Variants in ATRNL1 observed in about 807,000 individuals in gnomAD.
ATRNL1 encodes attractin-like protein 1.
In ATRNL1, 95 loss-of-function variants were observed where a neutral mutation model predicts 182.7. The observed-to-expected ratio is 0.52, with a 90% confidence interval of 0.44 to 0.62. ATRNL1 has a LOEUF of 0.62. Ranked by LOEUF, ATRNL1 falls within the 20% of genes least tolerant of loss-of-function variation. The probability of loss-of-function intolerance (pLI) is 0.00; values close to 1 mark genes in which losing one functional copy is unlikely to be tolerated. For missense variants in ATRNL1, 1,471 were observed against 1,679.5 expected (o/e 0.88, Z 2.17); for synonymous variants, 576 against 568.3 (o/e 1.01, Z -0.19).
At chr10:115,737,362 G>A (rs1947985999) in intron 27 of ATRNL1, among the ~76,000 whole-genome samples, 1 of 151,550 alleles carries the variant, frequency 6.6e-6, no homozygotes, top group Admixed American at 6.6e-5. Flanking sequence ...CATGAGCCCG[G>A]GAGTTCGAGG....
intron 13 of ATRNL1, among the ~76,000 whole-genome samples, chr10:115,270,992 CA>C (rs2133895484): frequency 6.6e-6 from 1 of 152,194 alleles, no homozygotes; most frequent in Non-Finnish European, 1.5e-5. Flanking sequence ...AACTGGAAAA[CA>C]CATCAATCTC....
At chr10:115,774,870 TTTG>T (rs1949083126) in intron 27 of ATRNL1, among the ~76,000 whole-genome samples, 1 of 151,918 alleles carries the variant, frequency 6.6e-6, no homozygotes. Context: ...GAAGTCATGG[TTTG>T]TTTTTTTTTT....
intron 26 of ATRNL1, among the ~76,000 whole-genome samples, chr10:115,645,121 CTCTGAAGCACACTTAAGGTTTTCATTG>C (rs1859521852): frequency 1.3e-5 from 2 of 151,956 alleles, no homozygotes; most frequent in African/African-American, 4.8e-5. Context: ...TTCGAAGAGA[CTCTGAAGCACACTTAAGGTTTTCATTG>C]TTTACTATGC....
At chr10:115,482,587 T>C (rs749694178) in intron 24 of ATRNL1, among the ~76,000 whole-genome samples, 3 of 151,126 alleles carry the variant, frequency 2.0e-5, no homozygotes, top group Non-Finnish European at 4.5e-5. Context: ...AATGAATTTC[T>C]TCATTAATAA....
chr10:115,315,482 C>A, intron 17 of ATRNL1, 36 bp from the exon 18 acceptor site: 2 of 1,399,924 alleles, frequency 1.4e-6, no homozygotes, highest in Non-Finnish European at 1.0e-6. Context: ...AATATATAGT[C>A]ATGTTAACAT....
At chr10:115,421,321 A>G (rs942549798) in intron 20 of ATRNL1, among the ~76,000 whole-genome samples, 2 of 152,200 alleles carry the variant, frequency 1.3e-5, no homozygotes, top group Non-Finnish European at 2.9e-5. Flanking sequence ...ACTGAATCCA[A>G]CAACATATTA....
At chr10:115,732,655 CT>C (rs1947833817) in intron 27 of ATRNL1, among the ~76,000 whole-genome samples, 1 of 152,082 alleles carries the variant, frequency 6.6e-6, no homozygotes, top group Admixed American at 6.6e-5. Flanking sequence ...CAGACCTATG[CT>C]GAAGATCACA....
chr10:115,933,629 A>G lies in ATRNL1; in HGVS notation c.4019-11029A>G, dbSNP rs1953470717. On this transcript the variant is annotated intron_variant, in intron 28 of 28. Transcript: ENST00000355044. ...CAGCCACCTACTCCAACTGCTTTCC[A>G]AGAGAAATTTCTCAAGAGACATGCT... 2.0e-5 allele frequency among the ~76,000 whole-genome samples: 3 copies of G among 152,330 alleles called. No homozygotes were observed. In the South Asian group the frequency reaches 6.2e-4, roughly 32 times the overall value.
intron 20 of ATRNL1, among the ~76,000 whole-genome samples, chr10:115,399,064 C>T (rs192637160): frequency 2.2e-4 from 34 of 152,206 alleles, no homozygotes; most frequent in African/African-American, 8.2e-4. Context: ...CCTACTTGAT[C>T]ATGGTGGATA....
At chr10:115,710,128 A>G (rs1947020234) in intron 26 of ATRNL1, among the ~76,000 whole-genome samples, 1 of 123,238 alleles carries the variant, frequency 8.1e-6, no homozygotes, top group African/African-American at 2.9e-5. Flanking sequence ...CATTTATCCT[A>G]TAGTAAAAAA....
chr10:115,686,081 TATTA>T (rs1212688755), intron 26 of ATRNL1, among the ~76,000 whole-genome samples: 8 of 150,906 alleles, frequency 5.3e-5, no homozygotes, highest in South Asian at 2.1e-4. Context: ...TTTATTAATT[TATTA>T]ATTATTTATC....
intron 8 of ATRNL1, among the ~76,000 whole-genome samples, chr10:115,208,520 C>G (rs1056863733): frequency 6.5e-4 from 99 of 152,112 alleles, no homozygotes; most frequent in African/African-American, 2.3e-3. Context: ...GAGTTTGCTC[C>G]TTAGTCTTGT....
intron 21 of ATRNL1, among the ~76,000 whole-genome samples, chr10:115,442,529 C>A (rs1846748896): frequency 6.6e-6 from 1 of 151,968 alleles, no homozygotes; most frequent in African/African-American, 2.4e-5. Flanking sequence ...GCATGACAGG[C>A]CAGATGGTCT....
chr10:115,534,782 G>A (rs1273945987), intron 25 of ATRNL1, among the ~76,000 whole-genome samples: 1 of 150,984 alleles, frequency 6.6e-6, no homozygotes, highest in East Asian at 2.0e-4. Flanking sequence ...TCCTTCAGGA[G>A]CTCTTTTAGG....
intron 25 of ATRNL1, 105 bp downstream of exon 25, chr10:115,519,429 A>G: frequency 2.2e-6 from 2 of 908,426 alleles, no homozygotes; most frequent in South Asian, 1.5e-5. Flanking sequence ...TTAAAGTATC[A>G]TAGAGTATGT....
intron 27 of ATRNL1, among the ~76,000 whole-genome samples, chr10:115,754,402 T>TA (rs1948529919): frequency 6.6e-6 from 1 of 152,206 alleles, no homozygotes; most frequent in Non-Finnish European, 1.5e-5. Context: ...GCCAGCCAGT[T>TA]TTCCTAACAC....
intron 26 of ATRNL1, among the ~76,000 whole-genome samples, chr10:115,633,587 G>A (rs1312019447): frequency 6.6e-6 from 1 of 152,132 alleles, no homozygotes; most frequent in Non-Finnish European, 1.5e-5. Flanking sequence ...TACTTGCTAT[G>A]AGTTGTTAAT....
intron 21 of ATRNL1, among the ~76,000 whole-genome samples, chr10:115,445,430 CAAAAAAAAAAAAAAAAA>C (rs34068379): frequency 3.8e-5 from 1 of 26,118 alleles, no homozygotes; most frequent in African/African-American, 1.8e-4. Flanking sequence ...GATTTCGCCT[CAAAAAAAAAAAAAAAAA>C]AAAAAAAAAA....
rs142112393 is a variant in ATRNL1 at position 115,469,296 on chromosome 10, C to T, written c.3621C>T (p.Tyr1207=). The change falls in exon 24 of 29, where the codon TAC becomes TAT. Residue 1207 remains tyrosine, a synonymous_variant. Transcript: ENST00000355044. ...RSNPNITFYV[Y]VSNFSWPIKI... Reference sequence around the variant, plus strand: ...ATCCTAACATTACATTCTATGTGTACGTCAGCAACTTTTCCTGGCCTATTA... The same window carrying T: ...ATCCTAACATTACATTCTATGTGTATGTCAGCAACTTTTCCTGGCCTATTA... 2.1e-5 allele frequency: 32 copies of T among 1,531,232 alleles called. No individual in the cohort carries two copies. Among genetic ancestry groups the T allele is most frequent in the African/African-American group, 2.0e-4 (14 of 69,220 alleles). The allele number at this position is 1,531,232 out of a possible 1,614,324, so 94.9% of individuals were successfully genotyped here.
Sources: allele counts gnomAD v4.1 joint callset (sites outside exome capture counted in the v4.1 genomes callset), GRCh38; gene constraint gnomAD v4.1.1; transcripts MANE v1.5; gene names NCBI Gene and HGNC (gene_info 2026-07-23, HGNC 2026-07-21).